Variants in OTX2 observed in about 807,000 individuals in gnomAD.
OTX2 encodes the protein orthodenticle homeobox 2, also known as homeobox protein OTX2.
OTX2 carries 4 observed loss-of-function variants against 29.0 expected under a neutral mutation model. The ratio of observed to expected loss-of-function variants is 0.14; its 90% CI spans 0.07 to 0.32. The LOEUF (loss-of-function observed/expected upper bound fraction) is 0.32. Ranked by LOEUF, OTX2 falls within the 10% of genes least tolerant of loss-of-function variation. The pLI is 1.00. For missense variants in OTX2, 298 were observed against 365.9 expected (o/e 0.81, Z 1.51); for synonymous variants, 134 against 141.0 (o/e 0.95, Z 0.35).
rs1364445625 is a variant in OTX2 at position 56,801,846 on chromosome 14, G to A, written c.783C>T (p.Thr261=). 2 of 1,614,074 alleles carry A rather than the reference G, an allele frequency of 1.2e-6. No individual in the cohort carries two copies. Among genetic ancestry groups the A allele is most frequent in the Non-Finnish European group, 1.7e-6 (2 of 1,180,048 alleles). Residue 261 remains threonine (T), a synonymous_variant, in exon 5 of 5, where the codon ACC becomes ACT. Coordinates refer to ENST00000672264, the MANE Select transcript of OTX2 (RefSeq NM_021728.4). This position sits in a 1 kb window ranked among gnomAD's most constrained non-coding sequence, Gnocchi z 4.2. ...YGASSLGFNS[T]TDCLDYKDQT... ...GGTCCTTATAATCCAAGCAATCAGT[G>A]GTTGAGTTAAAACCCAAGCTTGAAG...
Position 56,804,373 on chromosome 14 carries a change from G to C in OTX2, c.98-10C>G, listed in dbSNP as rs781320710. ...CAAGAAGCCCAGGGCCCTTTAGGGT[G>C]GGGGAGCAGTTTCTCAGTCATAGGC... On this transcript the variant is annotated splice_polypyrimidine_tract_variant and intron_variant, in intron 3 of 4. Transcript: ENST00000672264. This position sits in a 1 kb window ranked among gnomAD's most constrained non-coding sequence, Gnocchi z 4.1. 16 of 1,611,098 alleles carry C rather than the reference G, an allele frequency of 9.9e-6. No homozygotes were observed. The highest frequency in any genetic ancestry group is 1.2e-5 in the Non-Finnish European group (14 of 1,178,456).
chr14:56,801,613 A>C lies in OTX2; in HGVS notation c.*122T>G. The stretch of plus-strand genomic sequence containing the variant: ...CGTTTTTCCTTCTATGCCTCTCGGA[A>C]CTTTGATCAGATGAGTCTGAGCATC... On this transcript the variant is annotated 3_prime_UTR_variant, in exon 5 of 5. Transcript: ENST00000672264. This position sits in a 1 kb window ranked among gnomAD's most constrained non-coding sequence, Gnocchi z 4.2. 8.5e-7 allele frequency: 1 copy of C among 1,175,388 alleles called. No homozygotes were observed. The highest frequency in any genetic ancestry group is 1.3e-5 in the South Asian group (1 of 79,964). 72.8% of individuals were successfully genotyped at this position (1,175,388 alleles called of 1,614,324 possible).
At chr14:56,809,235 G>T (rs887832139) in intron 2 of OTX2, among the ~76,000 whole-genome samples, 1 of 152,200 alleles carries the variant, frequency 6.6e-6, no homozygotes, top group Non-Finnish European at 1.5e-5. Flanking sequence ...TGCCACTTCT[G>T]CCCGCCCCAG....
At chr14:56,806,249 A>C (rs1197448252) in intron 2 of OTX2, among the ~76,000 whole-genome samples, 2 of 152,238 alleles carry the variant, frequency 1.3e-5, no homozygotes, top group South Asian at 2.1e-4. Flanking sequence ...CATTTCCGGT[A>C]ATCATTTTCA....
intron 2 of OTX2, among the ~76,000 whole-genome samples, chr14:56,808,334 G>C (rs975892178): frequency 2.6e-5 from 4 of 152,154 alleles, no homozygotes; most frequent in Non-Finnish European, 4.4e-5. Context: ...ACAAAACTAC[G>C]CGGACTGGCG....
chr14:56,807,994 C>G (rs7161732), intron 2 of OTX2, among the ~76,000 whole-genome samples: 7 of 149,030 alleles, frequency 4.7e-5, no homozygotes, highest in Non-Finnish European at 7.4e-5. Context: ...CCCGCAGCCC[C>G]GCAGCCCCGC....
Position 56,804,940 on chromosome 14 carries a change from A to G in OTX2, c.97+420T>C, listed in dbSNP as rs2139535950. On this transcript the variant is annotated intron_variant, in intron 3 of 4. Transcript: ENST00000672264. The surrounding 1 kb of genome is among the most constrained non-coding windows in gnomAD (Gnocchi z 4.1). ...GGGAAGGCCTGGGCATGGAGGGAAC[A>G]ACTGCGAAGCCCGAGAGTGCTAAGG... 6.6e-6 allele frequency among the ~76,000 whole-genome samples: 1 copy of G among 152,276 alleles called. No homozygotes were observed. The highest frequency in any genetic ancestry group is 1.9e-4 in the East Asian group (1 of 5,164).
intron 3 of OTX2, among the ~76,000 whole-genome samples, chr14:56,805,119 A>G (rs1892035904): frequency 6.6e-6 from 1 of 152,192 alleles, no homozygotes; most frequent in African/African-American, 2.4e-5. Flanking sequence ...TTAAGAATAA[A>G]GTGATGTGAT....
chr14:56,809,712 C>T (rs1037698875), intron 2 of OTX2, among the ~76,000 whole-genome samples: 4 of 152,224 alleles, frequency 2.6e-5, no homozygotes, highest in Admixed American at 2.6e-4. Flanking sequence ...ATCCATCCAT[C>T]TAGTTACATC....
chr14:56,808,807 T>C (rs534154072), intron 2 of OTX2, among the ~76,000 whole-genome samples: 1 of 152,262 alleles, frequency 6.6e-6, no homozygotes, highest in South Asian at 2.1e-4. Flanking sequence ...CGCGCACCAG[T>C]TCTATCTGTG....
At chr14:56,806,545 G>A (rs1187405296) in intron 2 of OTX2, among the ~76,000 whole-genome samples, 1 of 152,238 alleles carries the variant, frequency 6.6e-6, no homozygotes, top group Non-Finnish European at 1.5e-5. Context: ...ATGTGTGGAG[G>A]CTGCAGATCC....
At position 56,802,060 on chromosome 14, in the gene OTX2, G is replaced by A. The variant is rs1891904347; in HGVS notation, c.569C>T (p.Ala190Val). 1 of 1,614,204 alleles carries A rather than the reference G, an allele frequency of 6.2e-7. No homozygotes were observed. Among genetic ancestry groups the A allele is most frequent in the Non-Finnish European group, 8.5e-7 (1 of 1,180,034 alleles). Residue 190 changes from alanine to valine, a missense_variant, in exon 5 of 5, where the codon GCT becomes GTT. Ala to Val is a moderately conservative substitution (Grantham distance 64, BLOSUM62 0). Around this residue, in one of 3 missense-constraint regions of OTX2, gnomAD observed 219 missense variants for 223.5 expected, o/e 0.98. Transcript: ENST00000672264. The surrounding 1 kb of genome is among the most constrained non-coding windows in gnomAD (Gnocchi z 4.4). The stretch of plus-strand genomic sequence containing the variant: ...AGCATATCCTTGACTATAACCTGAA[G>A]CCTGAGTATAGGTCATGGGATAGGA... Reference protein sequence around the residue: ...QRSYPMTYTQASGYSQGYAGS... With the variant: ...QRSYPMTYTQVSGYSQGYAGS...
In OTX2 at chr14:56,804,822, A is replaced by T. The variant is rs1411604208; in HGVS notation, c.98-459T>A. ...TGGGGACATAGTTCATACTCCTGGG[A>T]GGATTTTTAAACATATCTGATTGGA... is the stretch of plus-strand genomic sequence containing the variant. On this transcript the variant is annotated intron_variant, in intron 3 of 4. Transcript: ENST00000672264. The surrounding 1 kb of genome is among the most constrained non-coding windows in gnomAD (Gnocchi z 4.1). 6.6e-6 allele frequency among the ~76,000 whole-genome samples: 1 copy of T among 152,026 alleles called. No homozygotes were observed. The highest frequency in any genetic ancestry group is 2.4e-5 in the African/African-American group (1 of 41,392).
Position 56,801,675 on chromosome 14 carries a change from A to G in OTX2, c.*60T>C. ...CTCTTTTAACCAATGCCTGGCTAAA[A>G]CTGGAATGTCCAGCCCAGTATATTT... On this transcript the variant is annotated 3_prime_UTR_variant, in exon 5 of 5. Coordinates refer to ENST00000672264, the MANE Select transcript of OTX2 (RefSeq NM_021728.4). The surrounding 1 kb of genome is among the most constrained non-coding windows in gnomAD (Gnocchi z 4.2). 1 of 1,574,020 alleles carries G rather than the reference A, an allele frequency of 6.4e-7. No homozygotes were observed. Among genetic ancestry groups the G allele is most frequent in the Non-Finnish European group, 8.7e-7 (1 of 1,145,888 alleles).
chr14:56,806,523 A>T (rs1892094742), intron 2 of OTX2, among the ~76,000 whole-genome samples: 1 of 152,224 alleles, frequency 6.6e-6, no homozygotes, highest in African/African-American at 2.4e-5. Flanking sequence ...AGCTGCTTCC[A>T]TGTTGATTTT....
At position 56,805,376 on chromosome 14, in the gene OTX2, G is replaced by A. The variant is rs1892047371; in HGVS notation, c.81C>T (p.Pro27=). The part of the protein sequence containing the change: ...LTTSGMDLLH[P]SVGYPGPWAS... ...CTCACTTACCCGGGTAGCCCACGGA[G>A]GGGTGCAGCAAGTCCATACCCGAAG... is the stretch of plus-strand genomic sequence containing the variant. The change falls in exon 3 of 5, where the codon CCC becomes CCT. Residue 27 remains proline, a synonymous_variant. Transcript: ENST00000672264. 3 of 1,612,796 alleles carry A rather than the reference G, an allele frequency of 1.9e-6. No individual in the cohort carries two copies. Among genetic ancestry groups the A allele is most frequent in the Non-Finnish European group, 2.5e-6 (3 of 1,178,832 alleles).
chr14:56,804,629 CA>C lies in OTX2; in HGVS notation c.98-267del, dbSNP rs1892014156. On this transcript the variant is annotated intron_variant, in intron 3 of 4. Transcript: ENST00000672264. The surrounding 1 kb of genome is among the most constrained non-coding windows in gnomAD (Gnocchi z 4.1). ...AATGAAACATTTTTTAAAAGACACA[CA>C]AAAAAGTTCTCCAAGATCAACCCCC... Among the ~76,000 whole-genome samples the C allele has an allele frequency of 1.3e-5, 2 of 152,106 alleles. No homozygotes were observed. Among genetic ancestry groups the C allele is most frequent in the African/African-American group, 2.4e-5 (1 of 41,434 alleles).
Position 56,800,553 on chromosome 14 carries a change from A to G in OTX2, c.*1182T>C, listed in dbSNP as rs555747099. 1 of 152,238 alleles carries G rather than the reference A, an allele frequency of 6.6e-6. No homozygotes were observed. Among genetic ancestry groups the G allele is most frequent in the African/African-American group, 2.4e-5 (1 of 41,542 alleles). The allele number at this position is 152,238 out of a possible 1,614,324, so 9.4% of individuals were successfully genotyped here. On this transcript the variant is annotated 3_prime_UTR_variant, in exon 5 of 5. Transcript: ENST00000672264. ...AAAAGTCTACCTACCACTGTCATTC[A>G]TATCTATTTTATGCATAGATTAGCA...
At position 56,804,132 on chromosome 14, in the gene OTX2, A is replaced by G. The variant is rs766064109; in HGVS notation, c.273+56T>C. 181 of 1,595,284 alleles carry G rather than the reference A, an allele frequency of 1.1e-4. 1 individual carries two copies. The highest frequency in any genetic ancestry group is 1.5e-4 in the Non-Finnish European group (176 of 1,163,004). The stretch of plus-strand genomic sequence containing the variant: ...AAGACCTGGGGCTCTCCACAGTCCC[A>G]TACTCGGGAAGGGTGGCATGATCAG... On this transcript the variant is annotated intron_variant, in intron 4 of 4. Coordinates refer to ENST00000672264, the MANE Select transcript of OTX2 (RefSeq NM_021728.4). This position sits in a 1 kb window ranked among gnomAD's most constrained non-coding sequence, Gnocchi z 4.1.
Sources: allele counts gnomAD v4.1 joint callset (sites outside exome capture counted in the v4.1 genomes callset), GRCh38; gene constraint gnomAD v4.1.1; regional missense constraint gnomAD v4.1.1; non-coding constraint Gnocchi (gnomAD v3.1); transcripts MANE v1.5; gene names NCBI Gene and HGNC (gene_info 2026-07-23, HGNC 2026-07-21).